RAD51B: variants seen among roughly 807,000 people sequenced by gnomAD.
RAD51B encodes DNA repair protein RAD51 homolog 2.
Under a neutral mutation model 42.2 loss-of-function variants are expected in RAD51B, and 38 were observed. The ratio of observed to expected loss-of-function variants is 0.90; its 90% CI spans 0.70 to 1.18. The LOEUF (loss-of-function observed/expected upper bound fraction) is 1.18, where lower values mean the gene tolerates loss of function less well. RAD51B is among the 50% of genes most tolerant of loss of function. The pLI, the probability that RAD51B is intolerant of heterozygous loss-of-function variation, is 0.00. For missense variants in RAD51B, 373 were observed against 400.7 expected, an observed-to-expected ratio of 0.93 and a Z score of 0.59; for synonymous variants, 154 against 145.2, an observed-to-expected ratio of 1.06 and a Z score of -0.43.
At chr14:68,320,265 G>A (rs920225990) in intron 8 of RAD51B, among the ~76,000 whole-genome samples, 4 of 152,184 alleles carry the variant, frequency 2.6e-5, no homozygotes, top group Non-Finnish European at 5.9e-5. Flanking sequence ...CAGAAATCTG[G>A]GCACTAGAAG....
chr14:68,364,660 T>C (rs1187743498), intron 8 of RAD51B, among the ~76,000 whole-genome samples: 2 of 151,996 alleles, frequency 1.3e-5, no homozygotes, highest in African/African-American at 2.4e-5. Context: ...ACAGGAATGA[T>C]GGGAGGCCTT....
At chr14:68,057,700 TTTC>T (rs1373278805) in intron 7 of RAD51B, among the ~76,000 whole-genome samples, 3 of 152,206 alleles carry the variant, frequency 2.0e-5, no homozygotes, top group South Asian at 2.1e-4. Flanking sequence ...ATTTTTTCTT[TTTC>T]TTCTTCTAAC....
chr14:68,469,745 A>G (rs996652754), intron 10 of RAD51B, among the ~76,000 whole-genome samples: 2 of 152,242 alleles, frequency 1.3e-5, no homozygotes, highest in Non-Finnish European at 2.9e-5. Flanking sequence ...AGTAAGTAGC[A>G]AATTTCGTTG....
At chr14:67,844,519 C>T (rs973096232) in intron 4 of RAD51B, among the ~76,000 whole-genome samples, 5 of 151,108 alleles carry the variant, frequency 3.3e-5, no homozygotes, top group African/African-American at 1.2e-4. Context: ...AACCTGGGTG[C>T]TCCTATGTTT....
chr14:68,594,657 G>C (rs1357432697), exon 11 of RAD51B: 1 of 1,275,632 alleles, frequency 7.8e-7, no homozygotes, highest in Non-Finnish European at 1.0e-6. Context: ...TCAAACTCCT[G>C]GCTTCAAGAG....
intron 7 of RAD51B, 39 bp from the exon 8 acceptor site, chr14:68,291,845 C>A: frequency 6.7e-7 from 1 of 1,487,206 alleles, no homozygotes; most frequent in Non-Finnish European, 9.4e-7. Context: ...TGTCTTTCTT[C>A]TCCCTTGCCC....
At chr14:68,544,971 G>T (rs1888145106) in intron 10 of RAD51B, among the ~76,000 whole-genome samples, 1 of 152,214 alleles carries the variant, frequency 6.6e-6, no homozygotes, top group African/African-American at 2.4e-5. Flanking sequence ...GAGTTCCAGG[G>T]ATGGGATGTG....
chr14:67,843,776 T>C (rs2041514458), intron 4 of RAD51B, among the ~76,000 whole-genome samples: 1 of 151,754 alleles, frequency 6.6e-6, no homozygotes, highest in African/African-American at 2.4e-5. Flanking sequence ...TTATCTTATA[T>C]ATTCTTTCAA....
intron 5 of RAD51B, among the ~76,000 whole-genome samples, chr14:67,877,444 G>A (rs1306391078): frequency 6.6e-6 from 1 of 152,086 alleles, no homozygotes; most frequent in Non-Finnish European, 1.5e-5. Context: ...TCCAAGTAGT[G>A]TTTTCATTCA....
chr14:68,046,862 T>C (rs1290858295), intron 7 of RAD51B, among the ~76,000 whole-genome samples: 1 of 152,184 alleles, frequency 6.6e-6, no homozygotes, highest in Non-Finnish European at 1.5e-5. Context: ...TGAAGGATAT[T>C]GCATTTCAGT....
intron 7 of RAD51B, among the ~76,000 whole-genome samples, chr14:67,956,124 A>G (rs1395504206): frequency 1.3e-5 from 2 of 152,162 alleles, no homozygotes; most frequent in Admixed American, 1.3e-4. Context: ...AAGAAAATTT[A>G]AAAAAACAGA....
chr14:68,036,880 T>G (rs1169845254), intron 7 of RAD51B, among the ~76,000 whole-genome samples: 1 of 152,118 alleles, frequency 6.6e-6, no homozygotes, highest in African/African-American at 2.4e-5. Flanking sequence ...CAAATATTTT[T>G]AAAAATAATT....
In RAD51B at chr14:68,641,501, AC is replaced by A. The variant is rs78571676; in HGVS notation, c.1037-9279del. Among the ~76,000 whole-genome samples the A allele has an allele frequency of 4.2e-4, 52 of 122,592 alleles. 1 individual carries two copies. The South Asian group carries it at 0.013, about 31-fold the overall frequency. The allele number at this position is 122,592 out of a possible 152,430, so 80.4% of individuals were successfully genotyped here. ...TCCAGTATGATGTTGAAAAACTATA[AC>A]AGGGGAAATCCTTGCTTTCTTCCTG... On this transcript the variant is annotated intron_variant, in intron 10 of 11. Coordinates refer to the RAD51B transcript ENST00000488612.
chr14:68,570,277 G>T (rs1889627987), intron 10 of RAD51B, among the ~76,000 whole-genome samples: 2 of 152,172 alleles, frequency 1.3e-5, no homozygotes, highest in South Asian at 4.1e-4. Flanking sequence ...GCACTGGCAG[G>T]ACCTGGGTCA....
At chr14:68,147,958 A>G (rs942860070) in intron 7 of RAD51B, among the ~76,000 whole-genome samples, 5 of 152,294 alleles carry the variant, frequency 3.3e-5, no homozygotes, top group Non-Finnish European at 7.4e-5. Flanking sequence ...ATGTTTCTAC[A>G]TGACCTTTGC....
chr14:68,108,027 A>AT (rs137927000), intron 7 of RAD51B, among the ~76,000 whole-genome samples: 2,319 of 151,914 alleles, frequency 0.015, 49 homozygotes, highest in African/African-American at 0.051. Flanking sequence ...ATTTTAATAG[A>AT]TTTTTTCCAA....
intron 8 of RAD51B, chr14:68,339,354 TG>T: frequency 9.7e-7 from 1 of 1,025,962 alleles, no homozygotes; most frequent in Non-Finnish European, 1.5e-6. Flanking sequence ...CCTGATATAG[TG>T]GGGCCATTTC....
chr14:68,388,433 C>T (rs1172026807), intron 8 of RAD51B, among the ~76,000 whole-genome samples: 4 of 152,092 alleles, frequency 2.6e-5, no homozygotes, highest in African/African-American at 7.2e-5. Flanking sequence ...TTTTCCTAAA[C>T]ATCTACAGCA....
intron 8 of RAD51B, chr14:68,338,725 C>A: frequency 2.5e-6 from 1 of 393,096 alleles, no homozygotes; most frequent in Non-Finnish European, 4.9e-6. Flanking sequence ...CAACAGTGTA[C>A]ATTTAACCCA....
Sources: allele counts gnomAD v4.1 joint callset (sites outside exome capture counted in the v4.1 genomes callset), GRCh38; gene constraint gnomAD v4.1.1; transcripts MANE v1.5; gene names NCBI Gene and HGNC (gene_info 2026-07-23, HGNC 2026-07-21).